The following SHC3 variants were observed in gnomAD, a reference collection of about 807,000 sequenced individuals.
The protein encoded by SHC3 is SHC-transforming protein 3.
A neutral mutation model predicts 60.4 loss-of-function variants in SHC3; 15 were observed. That is an observed-to-expected ratio of 0.25 (90% confidence interval 0.17 to 0.38). The LOEUF is 0.38. Ranked by LOEUF, SHC3 falls within the 10% of genes least tolerant of loss-of-function variation. The probability of loss-of-function intolerance (pLI) is 1.00; values close to 1 mark genes in which losing one functional copy is unlikely to be tolerated. For synonymous variants in SHC3, 294 were observed against 325.9 expected, an observed-to-expected ratio of 0.90 and a Z score of 1.05; for missense variants, 677 against 786.1, an observed-to-expected ratio of 0.86 and a Z score of 1.66.
intron 2 of SHC3, among the ~76,000 whole-genome samples, chr9:89,085,934 C>T (rs564382202): frequency 6.6e-6 from 1 of 152,292 alleles, no homozygotes; most frequent in South Asian, 2.1e-4. Context: ...AGTACAGTGG[C>T]TTCCACCCAG....
At chr9:89,047,320 TCC>T (rs1824790667) in intron 7 of SHC3, among the ~76,000 whole-genome samples, 1 of 152,148 alleles carries the variant, frequency 6.6e-6, no homozygotes, top group Non-Finnish European at 1.5e-5. Context: ...ATGAAATTGA[TCC>T]CAAACAAAAC....
intron 5 of SHC3, among the ~76,000 whole-genome samples, chr9:89,068,223 ATTGTTCTGGCATTT>A (rs1382059512): frequency 6.6e-6 from 1 of 152,154 alleles, no homozygotes; most frequent in East Asian, 1.9e-4. Context: ...GTGCCTGGCC[ATTGTTCTGGCATTT>A]TTGTGGTGGT....
At chr9:89,034,673 C>T (rs2117859841) in intron 11 of SHC3, among the ~76,000 whole-genome samples, 2 of 152,250 alleles carry the variant, frequency 1.3e-5, no homozygotes, top group Admixed American at 1.3e-4. Flanking sequence ...AAATAACATG[C>T]CACTTACAAC....
chr9:89,013,984 A>G (rs1331130839), intron 11 of SHC3, among the ~76,000 whole-genome samples: 7 of 152,204 alleles, frequency 4.6e-5, no homozygotes, highest in Non-Finnish European at 1.0e-4. Context: ...AGGCCTTTGC[A>G]TGGACATCTC....
intron 6 of SHC3, among the ~76,000 whole-genome samples, chr9:89,063,684 C>A (rs1462545201): frequency 2.6e-5 from 4 of 152,262 alleles, no homozygotes; most frequent in African/African-American, 9.6e-5. Context: ...GACTCTCTAG[C>A]TAAAGACCAC....
chr9:89,112,472 C>T, intron 2 of SHC3, 84 bp downstream of exon 2: 1 of 1,485,480 alleles, frequency 6.7e-7, no homozygotes. Context: ...CCGGTCTTTT[C>T]TTCTAAAAAT....
At chr9:89,068,999 T>C (rs1195641130) in intron 5 of SHC3, among the ~76,000 whole-genome samples, 3 of 152,184 alleles carry the variant, frequency 2.0e-5, no homozygotes, top group Admixed American at 1.3e-4. Flanking sequence ...CATACACATA[T>C]AGACAGCATC....
chr9:89,152,183 C>G (rs1031571503), intron 1 of SHC3, among the ~76,000 whole-genome samples: 1 of 152,152 alleles, frequency 6.6e-6, no homozygotes, highest in African/African-American at 2.4e-5. Context: ...GCTCCTAAGT[C>G]TTAACTCTGA....
At chr9:89,111,495 A>T (rs751230564) in intron 2 of SHC3, among the ~76,000 whole-genome samples, 15 of 152,184 alleles carry the variant, frequency 9.9e-5, no homozygotes, top group Non-Finnish European at 1.8e-4. Flanking sequence ...ATTTTCTACA[A>T]ATATGTGGAG....
intron 11 of SHC3, among the ~76,000 whole-genome samples, chr9:89,022,376 C>T (rs1359796678): frequency 6.6e-6 from 1 of 152,142 alleles, no homozygotes; most frequent in Non-Finnish European, 1.5e-5. Context: ...GCCACCGTCA[C>T]CTGTGGCTTT....
chr9:89,022,354 T>C (rs895939865), intron 11 of SHC3, among the ~76,000 whole-genome samples: 18 of 152,220 alleles, frequency 1.2e-4, no homozygotes, highest in African/African-American at 4.1e-4. Context: ...CAAAGCCTGC[T>C]CCACCAGTCT....
At position 89,168,666 on chromosome 9, in the gene SHC3, A is replaced by G. The variant is rs141476129; in HGVS notation, c.474+9321T>C. On this transcript the variant is annotated intron_variant, in intron 1 of 11. Transcript: ENST00000375835. ...TATGTATATTTTGGGGGTGAACTGTATATGTCCACTTGACTGAGCCATGAG... is the reference window on the plus strand; with the variant it reads ...TATGTATATTTTGGGGGTGAACTGTGTATGTCCACTTGACTGAGCCATGAG... Among the ~76,000 whole-genome samples, 11 of 152,284 alleles carry G rather than the reference A, an allele frequency of 7.2e-5. No homozygotes were observed. The East Asian group carries it at 1.9e-3, about 27-fold the overall frequency.
intron 2 of SHC3, among the ~76,000 whole-genome samples, chr9:89,100,937 G>C (rs1825774150): frequency 6.6e-6 from 1 of 152,104 alleles, no homozygotes; most frequent in Non-Finnish European, 1.5e-5. Flanking sequence ...GATTCAGCTT[G>C]TCAATTTCTA....
At chr9:89,162,087 A>C (rs1226386528) in intron 1 of SHC3, among the ~76,000 whole-genome samples, 2 of 141,940 alleles carry the variant, frequency 1.4e-5, no homozygotes, top group Non-Finnish European at 3.1e-5. Context: ...TCAAGGAAAT[A>C]AAAGAGGATA....
At chr9:89,056,384 T>A (rs1252262588) in intron 6 of SHC3, among the ~76,000 whole-genome samples, 2 of 152,146 alleles carry the variant, frequency 1.3e-5, no homozygotes, top group East Asian at 3.9e-4. Context: ...GTAGGTGGGA[T>A]TACGGGCACC....
intron 11 of SHC3, chr9:89,037,375 G>C (rs1824599332): frequency 1.6e-6 from 1 of 618,662 alleles, no homozygotes. Flanking sequence ...TGATTTAACT[G>C]CATTTATTAA....
rs145402125 is a variant in SHC3 at position 89,156,070 on chromosome 9, C to T, written c.474+21917G>A. On this transcript the variant is annotated intron_variant, in intron 1 of 11. Coordinates refer to ENST00000375835, the MANE Select transcript of SHC3 (RefSeq NM_016848.6). ...CCTCCCCCATTGAATGGGGCTGACCCATGTGACCAATAAAATACTGTGAAG... is the reference window on the plus strand; with the variant it reads ...CCTCCCCCATTGAATGGGGCTGACCTATGTGACCAATAAAATACTGTGAAG... Among the ~76,000 whole-genome samples, 301 of 152,284 alleles carry T rather than the reference C, an allele frequency of 2.0e-3. 1 individual carries two copies. Among genetic ancestry groups the T allele is most frequent in the African/African-American group, 7.0e-3 (293 of 41,562 alleles).
intron 6 of SHC3, among the ~76,000 whole-genome samples, chr9:89,060,814 G>A (rs1587704210): frequency 2.0e-5 from 3 of 152,302 alleles, no homozygotes; most frequent in African/African-American, 7.2e-5. Flanking sequence ...CTGTCAGGGG[G>A]CAGCAGGGCA....
chr9:89,043,047 A>C (rs957878325), intron 9 of SHC3, among the ~76,000 whole-genome samples: 6 of 152,100 alleles, frequency 3.9e-5, no homozygotes, highest in African/African-American at 1.4e-4. Context: ...TTACGTAAAC[A>C]TGTTCGCAAG....
Sources: gnomAD v4.1 joint callset for allele counts (sites outside exome capture counted in the v4.1 genomes callset) on GRCh38, gnomAD v4.1.1 for gene constraint, MANE v1.5 for transcripts, NCBI Gene and HGNC (gene_info 2026-07-23, HGNC 2026-07-21) for gene names.